The following TNIK variants were observed in gnomAD, a reference collection of about 807,000 sequenced individuals.
The protein encoded by TNIK is TRAF2 and NCK interacting kinase, also known as TRAF2 and NCK-interacting protein kinase.
In TNIK, 49 loss-of-function variants were observed where a neutral mutation model predicts 191.3. That is an observed-to-expected ratio of 0.26 (90% CI 0.20 to 0.32). The LOEUF (loss-of-function observed/expected upper bound fraction) is 0.32. TNIK is among the 10% of genes least tolerant of loss of function. The pLI is 1.00. For missense variants in TNIK, 1,155 were observed against 1,702.3 expected, an observed-to-expected ratio of 0.68 and a Z score of 5.66; for synonymous variants, 594 against 600.9, an observed-to-expected ratio of 0.99 and a Z score of 0.17.
intron 10 of TNIK, among the ~76,000 whole-genome samples, chr3:171,162,167 A>G (rs1734076876): frequency 6.6e-6 from 1 of 152,104 alleles, no homozygotes; most frequent in South Asian, 2.1e-4. Flanking sequence ...CACGCCTGTA[A>G]TCCCAGCACT....
chr3:171,311,123 C>T (rs1753968210), intron 2 of TNIK, among the ~76,000 whole-genome samples: 1 of 151,206 alleles, frequency 6.6e-6, no homozygotes, highest in South Asian at 2.1e-4. Context: ...AGCATGTCCC[C>T]ACAGTATAGC....
intron 30 of TNIK, among the ~76,000 whole-genome samples, chr3:171,067,490 G>A (rs1192485811): frequency 1.3e-5 from 2 of 151,922 alleles, no homozygotes; most frequent in East Asian, 3.9e-4. Flanking sequence ...CTAACACGAT[G>A]AAACCCCGTC....
In TNIK at chr3:171,406,095, C is replaced by T. The variant is rs1721631862; in HGVS notation, c.58-36410G>A. ...TAGGTAAGCATATATGGATCTATAA[C>T]ACCAGAAAAACAAACACATGTTGAG... On this transcript the variant is annotated intron_variant, in intron 1 of 32. Transcript: ENST00000436636. 2.6e-5 allele frequency among the ~76,000 whole-genome samples: 4 copies of T among 152,108 alleles called. No homozygotes were observed. The South Asian group carries it at 8.3e-4, about 32-fold the overall frequency.
chr3:171,281,624 T>G (rs1012703561), intron 2 of TNIK, among the ~76,000 whole-genome samples: 1 of 152,228 alleles, frequency 6.6e-6, no homozygotes, highest in Non-Finnish European at 1.5e-5. Flanking sequence ...TTAAGTATTA[T>G]TTATATTTCT....
Position 171,074,030 on chromosome 3 carries a change from C to CTT in TNIK, c.3449-2709_3449-2708dup, listed in dbSNP as rs71176590. The stretch of plus-strand genomic sequence containing the variant: ...CTGGGTAAATCCCAAAGGAAAATAA[C>CTT]TTTTTTTTTTTTTTTTAAATCAAAA... On this transcript the variant is annotated intron_variant, in intron 28 of 32. Coordinates refer to ENST00000436636, the MANE Select transcript of TNIK (RefSeq NM_015028.4). 8.6e-3 allele frequency among the ~76,000 whole-genome samples: 1,255 copies of CTT among 145,326 alleles called. 8 individuals carry two copies. The highest frequency in any genetic ancestry group is 9.8e-3 in the Non-Finnish European group (649 of 66,348).
chr3:171,432,343 G>A (rs973180557), intron 1 of TNIK, among the ~76,000 whole-genome samples: 1 of 152,142 alleles, frequency 6.6e-6, no homozygotes, highest in Non-Finnish European at 1.5e-5. Context: ...TCCAAACTAA[G>A]TAGGAAGAAA....
chr3:171,144,308 T>C (rs1731243267), intron 12 of TNIK, among the ~76,000 whole-genome samples: 1 of 152,230 alleles, frequency 6.6e-6, no homozygotes, highest in Non-Finnish European at 1.5e-5. Flanking sequence ...TAACAATTGT[T>C]GCCTTACTCT....
At chr3:171,254,858 A>T (rs977943904) in intron 2 of TNIK, among the ~76,000 whole-genome samples, 1 of 152,220 alleles carries the variant, frequency 6.6e-6, no homozygotes, top group Non-Finnish European at 1.5e-5. Flanking sequence ...ATTTTCAGAA[A>T]ATATGATCTG....
intron 15 of TNIK, among the ~76,000 whole-genome samples, chr3:171,135,318 A>T (rs537543428): frequency 6.6e-6 from 1 of 152,242 alleles, no homozygotes; most frequent in Non-Finnish European, 1.5e-5. Context: ...GCATTAAAAG[A>T]TCAAGAATGT....
At chr3:171,324,071 A>G (rs998276219) in intron 2 of TNIK, among the ~76,000 whole-genome samples, 1 of 152,108 alleles carries the variant, frequency 6.6e-6, no homozygotes, top group Non-Finnish European at 1.5e-5. Flanking sequence ...CCCATGCTGC[A>G]ATGTAATCCC....
chr3:171,440,611 G>A (rs959188938), intron 1 of TNIK, among the ~76,000 whole-genome samples: 1 of 152,190 alleles, frequency 6.6e-6, no homozygotes, highest in African/African-American at 2.4e-5. Context: ...AAGGAGTTTA[G>A]CCTATGCTGT....
chr3:171,453,787 A>G (rs1057148718), intron 1 of TNIK, among the ~76,000 whole-genome samples: 1 of 152,100 alleles, frequency 6.6e-6, no homozygotes, highest in Non-Finnish European at 1.5e-5. Flanking sequence ...TTAAGGGAAG[A>G]ATTTTAAGTT....
intron 20 of TNIK, among the ~76,000 whole-genome samples, chr3:171,107,463 A>G (rs938060091): frequency 6.6e-6 from 1 of 152,204 alleles, no homozygotes; most frequent in African/African-American, 2.4e-5. Flanking sequence ...AGAGATTTAA[A>G]TAGAAAAAAT....
chr3:171,080,118 G>C (rs1369035856), intron 27 of TNIK, among the ~76,000 whole-genome samples: 1 of 152,092 alleles, frequency 6.6e-6, no homozygotes, highest in Non-Finnish European at 1.5e-5. Flanking sequence ...AATTATACTG[G>C]GCAGGTTTAT....
intron 3 of TNIK, among the ~76,000 whole-genome samples, chr3:171,220,578 G>A (rs1742180036): frequency 6.6e-6 from 1 of 152,094 alleles, no homozygotes; most frequent in African/African-American, 2.4e-5. Context: ...GGACGGACCT[G>A]CAGAAGGAGA....
At chr3:171,248,768 A>G (rs1432432100) in intron 2 of TNIK, among the ~76,000 whole-genome samples, 1 of 152,244 alleles carries the variant, frequency 6.6e-6, no homozygotes, top group East Asian at 1.9e-4. Flanking sequence ...TATAGTATCA[A>G]TATTATACCA....
intron 2 of TNIK, among the ~76,000 whole-genome samples, chr3:171,361,579 A>G (rs59599042): frequency 0.02 from 3,034 of 152,304 alleles, 117 homozygotes; most frequent in African/African-American, 0.07. Flanking sequence ...TCAAAGGTGA[A>G]TGATTCTCCT....
At chr3:171,142,194 G>C (rs988827412) in intron 12 of TNIK, among the ~76,000 whole-genome samples, 3 of 152,224 alleles carry the variant, frequency 2.0e-5, no homozygotes, top group African/African-American at 7.2e-5. Context: ...AGCTATTGGA[G>C]GACTTCATGC....
chr3:171,254,332 T>TGC (rs1370993077), intron 2 of TNIK, among the ~76,000 whole-genome samples: 1 of 152,236 alleles, frequency 6.6e-6, no homozygotes, highest in African/African-American at 2.4e-5. Context: ...TCTTCCTCTA[T>TGC]CAGGCTGCTA....
Sources: gnomAD v4.1 joint callset for allele counts (sites outside exome capture counted in the v4.1 genomes callset) on GRCh38, gnomAD v4.1.1 for gene constraint, MANE v1.5 for transcripts, NCBI Gene and HGNC (gene_info 2026-07-23, HGNC 2026-07-21) for gene names.